Variants in BAZ1A observed in about 807,000 individuals in gnomAD.
The protein encoded by BAZ1A is bromodomain adjacent to zinc finger domain 1A.
Under a neutral mutation model 185.2 loss-of-function variants are expected in BAZ1A, and 50 were observed. That is an observed-to-expected ratio of 0.27 (90% CI 0.22 to 0.34). The LOEUF is 0.34. BAZ1A is among the 10% of genes least tolerant of loss of function. BAZ1A has a pLI of 1.00. For missense variants in BAZ1A, 1,356 were observed against 1,839.9 expected, an observed-to-expected ratio of 0.74 and a Z score of 4.81; for synonymous variants, 571 against 615.6, an observed-to-expected ratio of 0.93 and a Z score of 1.07.
At chr14:34,841,353 G>T (rs934087750) in intron 3 of BAZ1A, among the ~76,000 whole-genome samples, 6 of 152,072 alleles carry the variant, frequency 3.9e-5, no homozygotes, top group Non-Finnish European at 8.8e-5. Flanking sequence ...CATTCTATTT[G>T]AATATTAGTA....
chr14:34,756,991 G>A (rs934174021), intron 25 of BAZ1A, among the ~76,000 whole-genome samples: 1 of 152,100 alleles, frequency 6.6e-6, no homozygotes, highest in African/African-American at 2.4e-5. Context: ...ATGATTAATG[G>A]TACTCAATTA....
chr14:34,810,000 T>C (rs146019878), intron 5 of BAZ1A, among the ~76,000 whole-genome samples: 1 of 152,136 alleles, frequency 6.6e-6, no homozygotes, highest in Non-Finnish European at 1.5e-5. Flanking sequence ...AAACTAATGA[T>C]GAGCCCCCCA....
chr14:34,800,523 C>A, intron 8 of BAZ1A, 133 bp from the exon 9 acceptor site: 1 of 683,450 alleles, frequency 1.5e-6, no homozygotes, highest in Non-Finnish European at 2.3e-6. Flanking sequence ...AAAATTCCTA[C>A]AGGGAGCCAG....
intron 3 of BAZ1A, chr14:34,828,507 T>C (rs1740677387): frequency 6.6e-6 from 1 of 152,010 alleles, no homozygotes; most frequent in Non-Finnish European, 1.5e-5. Context: ...TTTCCAAAAC[T>C]TTCTCGTTTC....
intron 3 of BAZ1A, among the ~76,000 whole-genome samples, chr14:34,848,843 A>T (rs2138783138): frequency 6.6e-6 from 1 of 152,326 alleles, no homozygotes; most frequent in South Asian, 2.1e-4. Flanking sequence ...TATTAGGGAA[A>T]AGGTCTGTTA....
chr14:34,859,639 C>A (rs868518752), intron 3 of BAZ1A, among the ~76,000 whole-genome samples: 1 of 152,090 alleles, frequency 6.6e-6, no homozygotes, highest in Admixed American at 6.6e-5. Context: ...TCCTTTAAAT[C>A]ATGATTTTCC....
rs759795215 is a variant in BAZ1A at position 34,776,229 on chromosome 14, A to G, written c.2523T>C (p.Pro841=). The G allele has an allele frequency of 3.1e-6, 5 of 1,614,100 alleles. No individual in the cohort carries two copies. The highest frequency in any genetic ancestry group is 3.3e-4 in the Middle Eastern group (2 of 6,062). ...GLTEDMLLPR[P]SSFQNNVQSQ... ...ACTGTACATTATTCTGAAATGATGAAGGTCTAGGCAACAGCATGTCTTCAG... is the reference window on the plus strand; with the variant it reads ...ACTGTACATTATTCTGAAATGATGAGGGTCTAGGCAACAGCATGTCTTCAG... Residue 841 remains proline, a synonymous_variant, in exon 18 of 27, where the codon CCT becomes CCC. Coordinates refer to ENST00000360310, the MANE Select transcript of BAZ1A (RefSeq NM_013448.3).
intron 3 of BAZ1A, among the ~76,000 whole-genome samples, chr14:34,839,539 C>CAAAA (rs35964410): frequency 2.5e-5 from 2 of 80,974 alleles, no homozygotes; most frequent in Non-Finnish European, 2.3e-5. Flanking sequence ...AACTATCTTT[C>CAAAA]AAAAAAAAAA....
chr14:34,780,317 G>C lies in BAZ1A; in HGVS notation c.2112-7C>G. 1 of 1,598,520 alleles carries C rather than the reference G, an allele frequency of 6.3e-7. No homozygotes were observed. Among genetic ancestry groups the C allele is most frequent in the East Asian group, 2.2e-5 (1 of 44,546 alleles). On this transcript the variant is annotated splice_polypyrimidine_tract_variant and splice_region_variant and intron_variant, in intron 16 of 26. Transcript: ENST00000360310. ...ATCTTCCCTTTCTTCCTCCCTTTAG[G>C]ATAAAAACAAAGATGACATTTACTA...
At chr14:34,822,296 AAAAAC>A (rs1307120474) in intron 4 of BAZ1A, among the ~76,000 whole-genome samples, 1 of 152,110 alleles carries the variant, frequency 6.6e-6, no homozygotes, top group Non-Finnish European at 1.5e-5. Context: ...TCTGTCTCAA[AAAAAC>A]AAAACAAAAC....
rs149129360 is a variant in BAZ1A at position 34,767,367 on chromosome 14, C to T, written c.3302-2099G>A. Among the ~76,000 whole-genome samples the T allele has an allele frequency of 5.1e-3, 779 of 152,110 alleles. 5 individuals are homozygous for T. Among genetic ancestry groups the T allele is most frequent in the African/African-American group, 0.018 (742 of 41,498 alleles). On this transcript the variant is annotated intron_variant, in intron 21 of 26. Coordinates refer to ENST00000360310, the MANE Select transcript of BAZ1A (RefSeq NM_013448.3). Reference sequence around the variant, plus strand: ...GAGTTTGAGACCAGCTTGGCCAACACGGTGAAACCCCATCTCTACTAAAAA... The same window carrying T: ...GAGTTTGAGACCAGCTTGGCCAACATGGTGAAACCCCATCTCTACTAAAAA...
intron 2 of BAZ1A, among the ~76,000 whole-genome samples, chr14:34,865,423 A>G (rs2042841679): frequency 6.6e-6 from 1 of 152,140 alleles, no homozygotes; most frequent in Admixed American, 6.5e-5. Flanking sequence ...TGAAATCTTT[A>G]CTTCTCCCGT....
intron 7 of BAZ1A, among the ~76,000 whole-genome samples, chr14:34,802,049 T>G (rs1055103294): frequency 3.3e-5 from 5 of 152,076 alleles, no homozygotes; most frequent in African/African-American, 1.2e-4. Flanking sequence ...TCCTTAAAAA[T>G]GCATTAGAAA....
chr14:34,777,777 AGGCCAGGAGTTTGAAACCAGCCT>A (rs1276816705), intron 17 of BAZ1A, among the ~76,000 whole-genome samples: 1 of 152,114 alleles, frequency 6.6e-6, no homozygotes, highest in Non-Finnish European at 1.5e-5. Context: ...GGATCACTTG[AGGCCAGGAGTTTGAAACCAGCCT>A]GGCCAACATG....
intron 4 of BAZ1A, among the ~76,000 whole-genome samples, chr14:34,813,549 T>C (rs772227400): frequency 2.0e-5 from 3 of 151,836 alleles, no homozygotes; most frequent in Non-Finnish European, 4.4e-5. Flanking sequence ...CCAGGTGTGG[T>C]GGTGAGTGCC....
At chr14:34,772,064 C>A (rs565794473) in intron 20 of BAZ1A, among the ~76,000 whole-genome samples, 7 of 152,070 alleles carry the variant, frequency 4.6e-5, no homozygotes, top group South Asian at 4.2e-4. Flanking sequence ...ACACCATTCT[C>A]CTGCCTCAGT....
intron 6 of BAZ1A, among the ~76,000 whole-genome samples, chr14:34,803,934 T>C (rs938334729): frequency 6.6e-6 from 1 of 152,216 alleles, no homozygotes; most frequent in African/African-American, 2.4e-5. Context: ...GAATAATTAT[T>C]AAATCCAAGA....
chr14:34,797,646 T>A (rs1030192010), intron 9 of BAZ1A, among the ~76,000 whole-genome samples: 2 of 152,220 alleles, frequency 1.3e-5, no homozygotes, highest in Non-Finnish European at 2.9e-5. Flanking sequence ...AGTAAACTTA[T>A]ATTAGACTTC....
chr14:34,873,967 A>G (rs948600399), intron 2 of BAZ1A, among the ~76,000 whole-genome samples: 1 of 151,830 alleles, frequency 6.6e-6, no homozygotes, highest in Non-Finnish European at 1.5e-5. Context: ...CCCCTACCCC[A>G]GGCAGCTCCA....
Sources: gnomAD v4.1 joint callset for allele counts (sites outside exome capture counted in the v4.1 genomes callset) on GRCh38, gnomAD v4.1.1 for gene constraint, MANE v1.5 for transcripts, NCBI Gene and HGNC (gene_info 2026-07-23, HGNC 2026-07-21) for gene names.